The following ATP8B3 variants were observed in gnomAD, a reference collection of about 807,000 sequenced individuals.
ATP8B3 encodes phospholipid-transporting ATPase IK.
ATP8B3 carries 141 observed loss-of-function variants against 140.9 expected under a neutral mutation model. The observed-to-expected ratio is 1.00, with a 90% CI of 0.87 to 1.15. The LOEUF (loss-of-function observed/expected upper bound fraction) is 1.15, where lower values mean the gene tolerates loss of function less well. ATP8B3 is among the 50% of genes most tolerant of loss of function. The pLI is 0.00. For synonymous variants in ATP8B3, 765 were observed against 714.6 expected (o/e 1.07, Z -1.13); for missense variants, 1,874 against 1,740.6 (o/e 1.08, Z -1.36).
intron 14 of ATP8B3, among the ~76,000 whole-genome samples, chr19:1,798,514 A>G (rs1223237860): frequency 6.0e-5 from 9 of 150,020 alleles, no homozygotes; most frequent in Non-Finnish European, 8.9e-5. Context: ...TGAGGCAGGC[A>G]GATCACGAGG....
chr19:1,791,257 C>T (rs1384323991), intron 20 of ATP8B3, among the ~76,000 whole-genome samples: 2 of 151,914 alleles, frequency 1.3e-5, no homozygotes, highest in Non-Finnish European at 2.9e-5. Flanking sequence ...GTCACCCAGG[C>T]TGGAGGGCAG....
At position 1,805,272 on chromosome 19, in the gene ATP8B3, G is replaced by A; in HGVS notation, c.904+102C>T. 1 of 1,198,508 alleles carries A rather than the reference G, an allele frequency of 8.3e-7. No homozygotes were observed. 74.2% of individuals were successfully genotyped at this position (1,198,508 alleles called of 1,614,324 possible). A position where few individuals can be genotyped will look rare whatever the true frequency, so the allele number is the denominator to read the frequency against. On this transcript the variant is annotated intron_variant, in intron 10 of 28. Coordinates refer to ENST00000310127, the MANE Select transcript of ATP8B3 (RefSeq NM_138813.4). This position sits in a 1 kb window ranked among gnomAD's most constrained non-coding sequence, Gnocchi z 5.2. ...TTCCAGGTGTGAGCCACTGGGCCTGGCCAGCACCTTGTTTTAAAAACAGTA... is the reference window on the plus strand; with the variant it reads ...TTCCAGGTGTGAGCCACTGGGCCTGACCAGCACCTTGTTTTAAAAACAGTA...
In ATP8B3 at chr19:1,794,059, G is replaced by A. The variant is rs893431334; in HGVS notation, c.2055+1816C>T. On this transcript the variant is annotated intron_variant, in intron 18 of 28. Transcript: ENST00000310127. The surrounding 1 kb of genome is among the most constrained non-coding windows in gnomAD (Gnocchi z 4.8). ...CTGTTTATTAAGAGACAGGGGTCTC[G>A]CCCTGTCGCCCAGGCTGGAGTGCAG... Among the ~76,000 whole-genome samples, 11 of 146,960 alleles carry A rather than the reference G, an allele frequency of 7.5e-5. No homozygotes were observed. The highest frequency in any genetic ancestry group is 2.1e-4 in the East Asian group (1 of 4,828).
chr19:1,805,554 C>T lies in ATP8B3; in HGVS notation c.822-98G>A, dbSNP rs1196813072. 3.7e-6 allele frequency: 4 copies of T among 1,085,888 alleles called. No individual in the cohort carries two copies. Among genetic ancestry groups the T allele is most frequent in the Non-Finnish European group, 4.1e-6 (3 of 727,302 alleles). 67.3% of individuals were successfully genotyped at this position (1,085,888 alleles called of 1,614,324 possible). On this transcript the variant is annotated intron_variant, in intron 9 of 28. Coordinates refer to ENST00000310127, the MANE Select transcript of ATP8B3 (RefSeq NM_138813.4). The surrounding 1 kb of genome is among the most constrained non-coding windows in gnomAD (Gnocchi z 5.2). ...GAGTCACTCAAACATTTTCACTGAGCACCTACTAGTTCGCCAGCTGCCAGT... is the reference window on the plus strand; with the variant it reads ...GAGTCACTCAAACATTTTCACTGAGTACCTACTAGTTCGCCAGCTGCCAGT...
In ATP8B3 at chr19:1,783,166, G is replaced by A. The variant is rs1053377858; in HGVS notation, c.3765C>T (p.Ser1255=). The A allele has an allele frequency of 2.5e-6, 4 of 1,613,668 alleles. No homozygotes were observed. Among genetic ancestry groups the A allele is most frequent in the South Asian group, 2.2e-5 (2 of 91,048 alleles). The change falls in exon 29 of 29, where the codon TCC becomes TCT. Residue 1255 remains serine, a synonymous_variant. Coordinates refer to ENST00000310127, the MANE Select transcript of ATP8B3 (RefSeq NM_138813.4). ...SRARRSSYAF[S]HREGYANLIT... ...TGAGGTTTGCATATCCCTCACGGTG[G>A]GAGAAAGCATAGCTGGAACGGCGGG...
chr19:1,799,465 G>GAAAA (rs532925512), intron 14 of ATP8B3: 2 of 143,248 alleles, frequency 1.4e-5, no homozygotes, highest in Non-Finnish European at 2.7e-5. Context: ...GTCTCAGAGA[G>GAAAA]AAAAAAAAAA....
In ATP8B3 at chr19:1,785,547, C is replaced by T. The variant is rs1182171056; in HGVS notation, c.3315G>A (p.Ala1105=). The T allele has an allele frequency of 2.2e-5, 36 of 1,612,814 alleles. No individual in the cohort carries two copies. The highest frequency in any genetic ancestry group is 3.1e-5 in the Non-Finnish European group (36 of 1,179,898). The change falls in exon 26 of 29, where the codon GCG becomes GCA. Residue 1105 remains alanine, a synonymous_variant. Coordinates refer to ENST00000310127, the MANE Select transcript of ATP8B3 (RefSeq NM_138813.4). ...FMTLWISRDT[A]GPASFSDHQS... is the part of the protein sequence containing the mutation. ...GGTGGTCGCTGAAGCTGGCGGGTCC[C>T]GCCGTGTCGCGGCTGATCCACAGTG...
At position 1,792,064 on chromosome 19, in the gene ATP8B3, G is replaced by A. The variant is rs1217156244; in HGVS notation, c.2127C>T (p.Asp709=). 5 of 1,563,030 alleles carry A rather than the reference G, an allele frequency of 3.2e-6. No individual in the cohort carries two copies. Among genetic ancestry groups the A allele is most frequent in the Non-Finnish European group, 4.3e-6 (5 of 1,155,426 alleles). ...TGGCCTCCTGGTGGCGCTGCTGCCA[G>A]TCCTCGTAAATGTCCTCAGCCACCT... ...YREVAEDIYE[D]WQQRHQEASL... Residue 709 remains aspartate, a synonymous_variant, in exon 19 of 29, where the codon GAC becomes GAT. Coordinates refer to ENST00000310127, the MANE Select transcript of ATP8B3 (RefSeq NM_138813.4).
chr19:1,803,838 G>A (rs982355924), intron 10 of ATP8B3, among the ~76,000 whole-genome samples: 41 of 149,690 alleles, frequency 2.7e-4, no homozygotes, highest in East Asian at 7.9e-4. Flanking sequence ...GGAGGTTGCC[G>A]TGAACCAAGA....
chr19:1,800,465 G>T lies in ATP8B3; in HGVS notation c.1153-16C>A. 1.3e-6 allele frequency: 2 copies of T among 1,514,238 alleles called. No individual in the cohort carries two copies. The highest frequency in any genetic ancestry group is 9.1e-7 in the Non-Finnish European group (1 of 1,102,010). 93.8% of individuals were successfully genotyped at this position (1,514,238 alleles called of 1,614,324 possible). A position where few individuals can be genotyped will look rare whatever the true frequency, so the allele number is the denominator to read the frequency against. On this transcript the variant is annotated splice_polypyrimidine_tract_variant and intron_variant, in intron 12 of 28. Coordinates refer to ENST00000310127, the MANE Select transcript of ATP8B3 (RefSeq NM_138813.4). The surrounding 1 kb of genome is among the most constrained non-coding windows in gnomAD (Gnocchi z 4.4). Reference sequence around the variant, plus strand: ...AGATGAAGATCTGGAAGGCAGACGCGACAGGGTGGGTGAGGGGGGCGGGGG... The same window carrying T: ...AGATGAAGATCTGGAAGGCAGACGCTACAGGGTGGGTGAGGGGGGCGGGGG...
In ATP8B3 at chr19:1,805,464, C is replaced by T. The variant is rs778195814; in HGVS notation, c.822-8G>A. 1.8e-5 allele frequency: 28 copies of T among 1,556,136 alleles called. No individual in the cohort carries two copies. The highest frequency in any genetic ancestry group is 7.1e-5 in the South Asian group (6 of 84,640). ...AACTTCAAGTTGGTCTCCCTGGTGACGAGGAGAGGAGGGAGGTGAAAGTGG... is the reference window on the plus strand; with the variant it reads ...AACTTCAAGTTGGTCTCCCTGGTGATGAGGAGAGGAGGGAGGTGAAAGTGG... On this transcript the variant is annotated splice_polypyrimidine_tract_variant and splice_region_variant and intron_variant, in intron 9 of 28. Transcript: ENST00000310127. The surrounding 1 kb of genome is among the most constrained non-coding windows in gnomAD (Gnocchi z 5.2).
Position 1,806,981 on chromosome 19 carries a change from C to T in ATP8B3, c.615+187G>A, listed in dbSNP as rs75596375. Reference sequence around the variant, plus strand: ...GCACCGACAGAGCCAACGCCACCTGCGGCACCTGCCCAATGTGGGTGCTAG... The same window carrying T: ...GCACCGACAGAGCCAACGCCACCTGTGGCACCTGCCCAATGTGGGTGCTAG... On this transcript the variant is annotated intron_variant, in intron 6 of 28. Transcript: ENST00000310127. The surrounding 1 kb of genome is among the most constrained non-coding windows in gnomAD (Gnocchi z 5.6). Among the ~76,000 whole-genome samples the T allele has an allele frequency of 4.1e-3, 629 of 152,248 alleles. 3 individuals are homozygous for T. The highest frequency in any genetic ancestry group is 0.014 in the African/African-American group (583 of 41,522).
rs556409279 is a variant in ATP8B3 at position 1,785,258 on chromosome 19, C to T, written c.3433G>A (p.Ala1145Thr). Residue 1145 changes from alanine to threonine, a missense_variant, in exon 27 of 29, where the codon GCG becomes ACG. Physicochemically the swap from Ala to Thr is moderately conservative, Grantham distance 58 (BLOSUM62 0). Around this residue, in one of 3 missense-constraint regions of ATP8B3, gnomAD observed 840 missense variants for 760.9 expected, o/e 1.10. Transcript: ENST00000310127. ...AAACCAAGGCTGAGGAGGATGGTCG[C>T]CACGCACAGGGCGGTCCAGTACTTG... ...IIKYWTALCV[A>T]TILLSLGFYA... 1.2e-6 allele frequency: 2 copies of T among 1,609,862 alleles called. No homozygotes were observed. Among genetic ancestry groups the T allele is most frequent in the Admixed American group, 1.7e-5 (1 of 59,382 alleles).
intron 20 of ATP8B3, 58 bp from the exon 21 acceptor site, chr19:1,790,890 G>A: frequency 5.4e-6 from 8 of 1,479,044 alleles, no homozygotes; most frequent in African/African-American, 1.4e-5. Context: ...CTGCCTGGGG[G>A]CCACGCCCAC....
chr19:1,794,503 C>T lies in ATP8B3; in HGVS notation c.2055+1372G>A, dbSNP rs980947813. On this transcript the variant is annotated intron_variant, in intron 18 of 28. Coordinates refer to ENST00000310127, the MANE Select transcript of ATP8B3 (RefSeq NM_138813.4). This position sits in a 1 kb window ranked among gnomAD's most constrained non-coding sequence, Gnocchi z 4.8. Reference sequence around the variant, plus strand: ...GGGCCCCAGCAGAACCTGTGAGGAGCCCCCAGGCTGGACGCAGAATCCTCT... The same window carrying T: ...GGGCCCCAGCAGAACCTGTGAGGAGTCCCCAGGCTGGACGCAGAATCCTCT... Among the ~76,000 whole-genome samples, 2 of 151,126 alleles carry T rather than the reference C, an allele frequency of 1.3e-5. No homozygotes were observed. Among genetic ancestry groups the T allele is most frequent in the Admixed American group, 1.3e-4 (2 of 15,250 alleles).
At chr19:1,790,632 T>TC in intron 21 of ATP8B3, 125 bp downstream of exon 21, 3 of 128,368 alleles carry the variant, frequency 2.3e-5, no homozygotes, top group Admixed American at 1.6e-4. Context: ...TACCCTTCCC[T>TC]CCCCTCTCAA....
chr19:1,782,777 G>T lies in ATP8B3; in HGVS notation c.*251C>A, dbSNP rs578154221. On this transcript the variant is annotated 3_prime_UTR_variant, in exon 29 of 29. Transcript: ENST00000310127. ...GGTCAACAGCAACTTCTCAGGAGAA[G>T]GTGGCCTCTGCTTGGGTGACAATGA... 4.0e-5 allele frequency: 21 copies of T among 519,498 alleles called. No homozygotes were observed. In the South Asian group the frequency reaches 4.8e-4, roughly 12 times the overall value. 32.2% of individuals were successfully genotyped at this position (519,498 alleles called of 1,614,324 possible). A position where few individuals can be genotyped will look rare whatever the true frequency, so the allele number is the denominator to read the frequency against.
intron 25 of ATP8B3, 84 bp from the exon 26 acceptor site, chr19:1,785,792 AG>A: frequency 1.4e-6 from 2 of 1,428,718 alleles, no homozygotes; most frequent in South Asian, 1.3e-5. Context: ...GCAGGCCAGT[AG>A]GGTGGCCACT....
chr19:1,793,633 C>CG (rs1481968105), intron 18 of ATP8B3, among the ~76,000 whole-genome samples: 3 of 152,190 alleles, frequency 2.0e-5, no homozygotes, highest in South Asian at 2.1e-4. Context: ...CAAGGGTGGT[C>CG]GGGGGGTCCC....
Sources: gnomAD v4.1 joint callset for allele counts (sites outside exome capture counted in the v4.1 genomes callset) on GRCh38, gnomAD v4.1.1 for gene constraint, gnomAD v4.1.1 regional missense constraint, Gnocchi (gnomAD v3.1) non-coding constraint, MANE v1.5 for transcripts, NCBI Gene and HGNC (gene_info 2026-07-23, HGNC 2026-07-21) for gene names.